DIP2A: variants seen among roughly 807,000 people sequenced by gnomAD.
DIP2A encodes disco-interacting protein 2 homolog A.
A neutral mutation model predicts 177.4 loss-of-function variants in DIP2A; 85 were observed. That is an observed-to-expected ratio of 0.48 (90% CI 0.40 to 0.57). The LOEUF is 0.57. DIP2A is among the 20% of genes least tolerant of loss of function. The probability of loss-of-function intolerance (pLI) is 0.00; values close to 1 mark genes in which losing one functional copy is unlikely to be tolerated. For synonymous variants in DIP2A, 886 were observed against 881.8 expected, an observed-to-expected ratio of 1.00 and a Z score of -0.08; for missense variants, 1,791 against 2,100.2, an observed-to-expected ratio of 0.85 and a Z score of 2.88.
At chr21:46,482,830 C>A (rs1052326538) in intron 1 of DIP2A, among the ~76,000 whole-genome samples, 1 of 152,184 alleles carries the variant, frequency 6.6e-6, no homozygotes, top group African/African-American at 2.4e-5. Flanking sequence ...TGGAGTTCAG[C>A]CAGAGCCATA....
At chr21:46,570,722 C>G (rs2060953902), downstream of DIP2A, among the ~76,000 whole-genome samples, 1 of 152,204 alleles carries the variant, frequency 6.6e-6, no homozygotes, top group African/African-American at 2.4e-5. Context: ...TAACTAACCT[C>G]CAGTATTTGC....
chr21:46,549,756 T>TCCCGTGTG lies in DIP2A; in HGVS notation c.2523-15_2523-14insCCCGTGTG, dbSNP rs1329031802. On this transcript the variant is annotated splice_polypyrimidine_tract_variant and intron_variant, in intron 21 of 37. Transcript: ENST00000417564. Reference sequence around the variant, plus strand: ...GCCTCTTGCCGTGTGGCCATTTCCATGTCTCATCCCGCAGGATCGCTGTGT... The same window carrying TCCCGTGTG: ...GCCTCTTGCCGTGTGGCCATTTCCATCCCGTGTGGTCTCATCCCGCAGGATCGCTGTGT... 1 of 1,613,048 alleles carries TCCCGTGTG rather than the reference T, an allele frequency of 6.2e-7. No homozygotes were observed. Among genetic ancestry groups the TCCCGTGTG allele is most frequent in the East Asian group, 2.2e-5 (1 of 44,888 alleles).
intron 3 of DIP2A, among the ~76,000 whole-genome samples, chr21:46,492,930 T>TTA (rs1192356394): frequency 1.3e-5 from 1 of 77,856 alleles, no homozygotes; most frequent in African/African-American, 3.7e-5. Flanking sequence ...AGACTCTGTC[T>TTA]CAAAAAAAAA....
chr21:46,529,994 T>A (rs2059288431), intron 9 of DIP2A, among the ~76,000 whole-genome samples: 1 of 152,224 alleles, frequency 6.6e-6, no homozygotes, highest in Non-Finnish European at 1.5e-5. Flanking sequence ...AATAAAAAAT[T>A]TAGTTTCTTG....
chr21:46,570,181 G>C (rs540973109), downstream of DIP2A, among the ~76,000 whole-genome samples: 254 of 152,344 alleles, frequency 1.7e-3, 3 homozygotes, highest in South Asian at 4.6e-3. Context: ...CTTGGGCTCA[G>C]TTCTTATAGG....
chr21:46,541,472 C>T (rs541351114), intron 17 of DIP2A, among the ~76,000 whole-genome samples: 31 of 152,254 alleles, frequency 2.0e-4, no homozygotes, highest in African/African-American at 6.5e-4. Context: ...CCAAGACAAT[C>T]GGGTAGAAGC....
chr21:46,544,037 A>G (rs952299573), intron 18 of DIP2A, among the ~76,000 whole-genome samples: 2 of 152,216 alleles, frequency 1.3e-5, no homozygotes, highest in Non-Finnish European at 2.9e-5. Context: ...CAATGGGTTA[A>G]TTGATTGCTA....
At chr21:46,583,079 C>T in the DIP2A span, among the ~76,000 whole-genome samples, 15 of 152,294 alleles carry the variant, frequency 9.8e-5, no homozygotes, top group African/African-American at 3.4e-4. Context: ...ATCATTCAAA[C>T]AGCAGCCACA....
At position 46,463,591 on chromosome 21, in the gene DIP2A, G is replaced by T. The variant is rs144743117; in HGVS notation, c.91+4369G>T. On this transcript the variant is annotated intron_variant, in intron 1 of 37. Coordinates refer to ENST00000417564, the MANE Select transcript of DIP2A (RefSeq NM_015151.4). Reference sequence around the variant, plus strand: ...CTAGATGGAATAAAATGAAAAGGGGGAAAAAACTCTGGGTATACAGGAAGA... The same window carrying T: ...CTAGATGGAATAAAATGAAAAGGGGTAAAAAACTCTGGGTATACAGGAAGA... Among the ~76,000 whole-genome samples, 1,192 of 152,116 alleles carry T rather than the reference G, an allele frequency of 7.8e-3. 8 individuals carry two copies. The highest frequency in any genetic ancestry group is 0.027 in the African/African-American group (1,115 of 41,506).
At chr21:46,555,073 C>A in intron 28 of DIP2A, 140 bp downstream of exon 28, 2 of 870,072 alleles carry the variant, frequency 2.3e-6, no homozygotes, top group Non-Finnish European at 3.6e-6. Context: ...GGGGGTGCCC[C>A]GGGCCCTGGT....
intron 5 of DIP2A, 108 bp from the exon 6 acceptor site, chr21:46,504,253 A>G (rs938584002): frequency 1.5e-5 from 21 of 1,438,196 alleles, no homozygotes; most frequent in African/African-American, 9.8e-5. Context: ...CACTCTCCCC[A>G]CTTAGAACTC....
At chr21:46,468,868 T>C (rs1601338815) in intron 1 of DIP2A, among the ~76,000 whole-genome samples, 1 of 152,204 alleles carries the variant, frequency 6.6e-6, no homozygotes, top group South Asian at 2.1e-4. Context: ...AAAAGAAATA[T>C]CAGTGATTTC....
At chr21:46,511,949 G>GTT (rs941309485) in intron 8 of DIP2A, among the ~76,000 whole-genome samples, 1 of 151,856 alleles carries the variant, frequency 6.6e-6, no homozygotes, top group African/African-American at 2.4e-5. Context: ...TCCATACTAT[G>GTT]TTTTTTTTGT....
At position 46,540,082 on chromosome 21, in the gene DIP2A, G is replaced by C. The variant is rs2059749445; in HGVS notation, c.2036+91G>C. The C allele has an allele frequency of 1.7e-5, 18 of 1,062,674 alleles. No individual in the cohort carries two copies. The South Asian group carries it at 2.5e-4, about 15-fold the overall frequency. The allele number at this position is 1,062,674 out of a possible 1,614,324, so 65.8% of individuals were successfully genotyped here. A position where few individuals can be genotyped will look rare whatever the true frequency, so the allele number is the denominator to read the frequency against. ...CCTGGAGCTGTGCCTGTGCCTGTTAGGATCCAGGCCCATTTGTGCAGTAGT... is the reference window on the plus strand; with the variant it reads ...CCTGGAGCTGTGCCTGTGCCTGTTACGATCCAGGCCCATTTGTGCAGTAGT... On this transcript the variant is annotated intron_variant, in intron 17 of 37. Transcript: ENST00000417564.
the DIP2A span, among the ~76,000 whole-genome samples, chr21:46,582,355 T>C: frequency 6.6e-6 from 1 of 152,140 alleles, no homozygotes; most frequent in Non-Finnish European, 1.5e-5. Context: ...CCCTAGGTAC[T>C]CAGTTGTCTT....
intron 32 of DIP2A, chr21:46,559,242 C>A (rs1435984381): frequency 6.6e-6 from 1 of 151,756 alleles, no homozygotes; most frequent in African/African-American, 2.4e-5. Flanking sequence ...TCATTTCTTT[C>A]TAAAAACATC....
intron 8 of DIP2A, among the ~76,000 whole-genome samples, chr21:46,528,545 T>TA (rs2059213679): frequency 1.0e-5 from 1 of 95,408 alleles, no homozygotes. Flanking sequence ...TTTTTTTTTT[T>TA]TTTTTTTTTT....
intron 25 of DIP2A, among the ~76,000 whole-genome samples, chr21:46,552,179 G>A (rs893463074): frequency 1.3e-5 from 2 of 152,122 alleles, no homozygotes; most frequent in Non-Finnish European, 2.9e-5. Context: ...TTTGTGTTTA[G>A]CAGGAAAATT....
chr21:46,546,077 C>T (rs1453150373), intron 20 of DIP2A, 116 bp downstream of exon 20: 1 of 1,562,054 alleles, frequency 6.4e-7, no homozygotes, highest in African/African-American at 1.3e-5. Context: ...CCCATGTGGC[C>T]TTGGTCGGTG....
Sources: gnomAD v4.1 joint callset for allele counts (sites outside exome capture counted in the v4.1 genomes callset) on GRCh38, gnomAD v4.1.1 for gene constraint, MANE v1.5 for transcripts, NCBI Gene and HGNC (gene_info 2026-07-23, HGNC 2026-07-21) for gene names.